DYRK3: variants seen among roughly 807,000 people sequenced by gnomAD.
The protein encoded by DYRK3 is dual specificity tyrosine phosphorylation regulated kinase 3.
DYRK3 carries 30 observed loss-of-function variants against 40.8 expected under a neutral mutation model. The ratio of observed to expected loss-of-function variants is 0.74; its 90% CI spans 0.55 to 1.00. DYRK3 has a LOEUF of 1.00. DYRK3 is among the 50% of genes least tolerant of loss of function. The pLI, the probability that DYRK3 is intolerant of heterozygous loss-of-function variation, is 0.00. For missense variants in DYRK3, 699 were observed against 731.5 expected (o/e 0.96, Z 0.51); for synonymous variants, 272 against 260.7 (o/e 1.04, Z -0.42).
In DYRK3 at chr1:206,654,949, AG is replaced by A. The variant is rs1218157209; in HGVS notation, c.*5986del. On this transcript the variant is annotated 3_prime_UTR_variant, in exon 3 of 3. Coordinates refer to ENST00000367109, the MANE Select transcript of DYRK3 (RefSeq NM_003582.4). Reference sequence around the variant, plus strand: ...TAAAAAGAAAGGAGAGTCCCACATCAGGCCAAGTGGTGACCTGTGGCTATTT... The same window carrying A: ...TAAAAAGAAAGGAGAGTCCCACATCAGCCAAGTGGTGACCTGTGGCTATTT... 1.3e-5 allele frequency among the ~76,000 whole-genome samples: 2 copies of A among 152,204 alleles called. No homozygotes were observed. Among genetic ancestry groups the A allele is most frequent in the Non-Finnish European group, 2.9e-5 (2 of 68,028 alleles).
intron 2 of DYRK3, among the ~76,000 whole-genome samples, chr1:206,645,616 C>T (rs532726403): frequency 1.9e-4 from 29 of 151,812 alleles, no homozygotes; most frequent in African/African-American, 1.4e-4. Flanking sequence ...CAGGTTCAAG[C>T]GATTCTCCTG....
In DYRK3 at chr1:206,649,948, C is replaced by G. The variant is rs955237983; in HGVS notation, c.*983C>G. 6.6e-6 allele frequency among the ~76,000 whole-genome samples: 1 copy of G among 152,200 alleles called. No individual in the cohort carries two copies. Among genetic ancestry groups the G allele is most frequent in the African/African-American group, 2.4e-5 (1 of 41,454 alleles). The stretch of plus-strand genomic sequence containing the variant: ...TGTGCCACATTTTTCCCCCCACTTT[C>G]ACGTTAAGCTTAATGCTATTCCCTA... On this transcript the variant is annotated 3_prime_UTR_variant, in exon 3 of 3. Transcript: ENST00000367109.
rs1671632162 is a variant in DYRK3 at position 206,651,511 on chromosome 1, T to A, written c.*2546T>A. 6.6e-6 allele frequency among the ~76,000 whole-genome samples: 1 copy of A among 152,204 alleles called. No homozygotes were observed. Among genetic ancestry groups the A allele is most frequent in the African/African-American group, 2.4e-5 (1 of 41,460 alleles). On this transcript the variant is annotated 3_prime_UTR_variant, in exon 3 of 3. Coordinates refer to ENST00000367109, the MANE Select transcript of DYRK3 (RefSeq NM_003582.4). ...ATCCTTCTTCAGTGAATCTTTTCAT[T>A]GTAACTTAGGGTGTAAAAGCTCATA... is the stretch of plus-strand genomic sequence containing the variant.
chr1:206,636,156 G>A (rs1671101350), intron 1 of DYRK3: 2 of 1,017,958 alleles, frequency 2.0e-6, no homozygotes, highest in African/African-American at 3.2e-5. Flanking sequence ...CTGTTGCTTA[G>A]AGCGGATAAC....
Position 206,648,674 on chromosome 1 carries a change from C to G in DYRK3, c.1476C>G (p.Asp492Glu). Residue 492 changes from aspartate (D) to glutamate (E), a missense_variant, in exon 3 of 3, where the codon GAC (aspartate) becomes GAG (glutamate). Coordinates refer to ENST00000367109, the MANE Select transcript of DYRK3 (RefSeq NM_003582.4). ...GGACAGCACTGAAAGGGTGTGATGA[C>G]TACTTGTTTATAGAGTTCTTGAAAA... is the stretch of plus-strand genomic sequence containing the variant. ...DWGTALKGCD[D>E]YLFIEFLKRC... 1 of 1,613,984 alleles carries G rather than the reference C, an allele frequency of 6.2e-7. No individual in the cohort carries two copies. The highest frequency in any genetic ancestry group is 8.5e-7 in the Non-Finnish European group (1 of 1,179,952).
At position 206,648,474 on chromosome 1, in the gene DYRK3, G is replaced by A. The variant is rs782595058; in HGVS notation, c.1276G>A (p.Gly426Arg). 6.2e-7 allele frequency: 1 copy of A among 1,614,152 alleles called. No individual in the cohort carries two copies. Among genetic ancestry groups the A allele is most frequent in the Non-Finnish European group, 8.5e-7 (1 of 1,180,028 alleles). The change falls in exon 3 of 3, where the codon GGG becomes AGG. Residue 426 changes from glycine (G) to arginine (R), a missense_variant. Gly to Arg is a moderately radical substitution (Grantham distance 125). Coordinates refer to ENST00000367109, the MANE Select transcript of DYRK3 (RefSeq NM_003582.4). The stretch of plus-strand genomic sequence containing the variant: ...GTTGGCCTGCATGATGGAGCTTCTA[G>A]GGATGCCACCACCAAAACTTCTGGA... The part of the protein sequence containing the change: ...DQLACMMELL[G>R]MPPPKLLEQS...
chr1:206,640,742 G>A (rs1671265931), intron 2 of DYRK3, among the ~76,000 whole-genome samples: 1 of 152,146 alleles, frequency 6.6e-6, no homozygotes, highest in Non-Finnish European at 1.5e-5. Context: ...AGTAGAGAGA[G>A]GGTTTCATCG....
At chr1:206,636,420 A>G (rs1671112817) in intron 1 of DYRK3, among the ~76,000 whole-genome samples, 1 of 152,080 alleles carries the variant, frequency 6.6e-6, no homozygotes. Flanking sequence ...ATATATGTGG[A>G]CGCCTATCCT....
Position 206,648,839 on chromosome 1 carries a change from T to C in DYRK3, c.1641T>C (p.Ala547=), listed in dbSNP as rs1553420889. Residue 547 remains alanine, a synonymous_variant, in exon 3 of 3, where the codon GCT becomes GCC. Transcript: ENST00000367109. ...SGKRVVNPAS[A]FQGLGSKLPP... is the part of the protein sequence containing the mutation. ...AACGGGTAGTTAATCCTGCAAGTGC[T>C]TTCCAGGGATTGGGTTCTAAGCTGC... 2 of 1,614,190 alleles carry C rather than the reference T, an allele frequency of 1.2e-6. No homozygotes were observed. Among genetic ancestry groups the C allele is most frequent in the Non-Finnish European group, 1.7e-6 (2 of 1,180,028 alleles).
intron 2 of DYRK3, among the ~76,000 whole-genome samples, chr1:206,639,763 T>G (rs995194489): frequency 1.3e-5 from 2 of 151,958 alleles, no homozygotes; most frequent in Non-Finnish European, 2.9e-5. Context: ...CCCAGCCAAG[T>G]CATTTTTACT....
At position 206,648,358 on chromosome 1, in the gene DYRK3, G is replaced by A. The variant is rs1671528208; in HGVS notation, c.1160G>A (p.Ser387Asn). The A allele has an allele frequency of 6.2e-7, 1 of 1,614,042 alleles. No homozygotes were observed. Among genetic ancestry groups the A allele is most frequent in the Non-Finnish European group, 8.5e-7 (1 of 1,180,036 alleles). The change falls in exon 3 of 3, where the codon AGC (serine) becomes AAC (asparagine). Residue 387 changes from serine (S) to asparagine (N), a missense_variant. By Grantham distance (46) the Ser-to-Asn change is conservative (BLOSUM62 1). Coordinates refer to ENST00000367109, the MANE Select transcript of DYRK3 (RefSeq NM_003582.4). ...GAAATCATCTTAGGAAGCCGCTACA[G>A]CACACCAATTGACATATGGAGTTTT... The part of the protein sequence containing the change: ...APEIILGSRY[S>N]TPIDIWSFGC...
At chr1:206,646,571 C>T (rs1671461346) in intron 2 of DYRK3, among the ~76,000 whole-genome samples, 1 of 152,160 alleles carries the variant, frequency 6.6e-6, no homozygotes, top group South Asian at 2.1e-4. Context: ...CTCAAAAGTT[C>T]TCTTTAACTT....
In DYRK3 at chr1:206,651,444, T is replaced by A. The variant is rs936662529; in HGVS notation, c.*2479T>A. ...CTTCTTTCAACTACCAAGAAATGGA[T>A]GATTTCTCTGCCAACTCCAGGAAGT... On this transcript the variant is annotated 3_prime_UTR_variant, in exon 3 of 3. Coordinates refer to ENST00000367109, the MANE Select transcript of DYRK3 (RefSeq NM_003582.4). Among the ~76,000 whole-genome samples the A allele has an allele frequency of 1.3e-5, 2 of 152,262 alleles. No individual in the cohort carries two copies. The highest frequency in any genetic ancestry group is 6.5e-5 in the Admixed American group (1 of 15,284).
chr1:206,648,690 T>C lies in DYRK3; in HGVS notation c.1492T>C (p.Phe498Leu). ...KGCDDYLFIEFLKRCLHWDPS... is the reference protein window; with the variant it reads ...KGCDDYLFIELLKRCLHWDPS... ...GTGTGATGACTACTTGTTTATAGAG[T>C]TCTTGAAAAGGTGTCTTCACTGGGA... The change falls in exon 3 of 3, where the codon TTC becomes CTC. Residue 498 changes from phenylalanine to leucine, a missense_variant. Transcript: ENST00000367109. The C allele has an allele frequency of 3.1e-6, 5 of 1,613,674 alleles. No homozygotes were observed. Among genetic ancestry groups the C allele is most frequent in the Non-Finnish European group, 4.2e-6 (5 of 1,179,868 alleles).
In DYRK3 at chr1:206,649,548, G is replaced by A. The variant is rs1671576111; in HGVS notation, c.*583G>A. Among the ~76,000 whole-genome samples the A allele has an allele frequency of 6.6e-6, 1 of 152,160 alleles. No individual in the cohort carries two copies. Among genetic ancestry groups the A allele is most frequent in the African/African-American group, 2.4e-5 (1 of 41,438 alleles). On this transcript the variant is annotated 3_prime_UTR_variant, in exon 3 of 3. Transcript: ENST00000367109. ...TCCCTTCAGTTCTCTGATGTTTGGT[G>A]TTATTATTTTATGTTGTTATTTTGC...
Position 206,654,171 on chromosome 1 carries a change from C to G in DYRK3, c.*5206C>G, listed in dbSNP as rs1316957224. ...CTTTCTCCTTTATTTTTAATTATTT[C>G]TTTTCCATCTGTTATTGATGTCATC... On this transcript the variant is annotated 3_prime_UTR_variant, in exon 3 of 3. Transcript: ENST00000367109. Among the ~76,000 whole-genome samples the G allele has an allele frequency of 2.6e-5, 4 of 152,188 alleles. No homozygotes were observed. Among genetic ancestry groups the G allele is most frequent in the African/African-American group, 9.6e-5 (4 of 41,458 alleles).
intron 1 of DYRK3, among the ~76,000 whole-genome samples, chr1:206,637,407 C>T (rs956766093): frequency 1.5e-4 from 23 of 152,220 alleles, no homozygotes; most frequent in African/African-American, 5.5e-4. Flanking sequence ...TGTTTAACAA[C>T]ATTCAGAAGG....
rs1029641331 is a variant in DYRK3 at position 206,635,664 on chromosome 1, C to T, written c.-40C>T. 1.6e-6 allele frequency: 2 copies of T among 1,245,172 alleles called. No individual in the cohort carries two copies. The highest frequency in any genetic ancestry group is 2.0e-6 in the Non-Finnish European group (2 of 989,518). The allele number at this position is 1,245,172 out of a possible 1,614,324, so 77.1% of individuals were successfully genotyped here. ...TAGGTGGCGTGGCCGACCGGACCCCCAACTGGCGCCTCTCCCCGCGCGGGG... is the reference window on the plus strand; with the variant it reads ...TAGGTGGCGTGGCCGACCGGACCCCTAACTGGCGCCTCTCCCCGCGCGGGG... On this transcript the variant is annotated 5_prime_UTR_variant, in exon 1 of 3. Coordinates refer to ENST00000367109, the MANE Select transcript of DYRK3 (RefSeq NM_003582.4).
intron 2 of DYRK3, among the ~76,000 whole-genome samples, chr1:206,640,698 C>T (rs547175130): frequency 5.6e-4 from 85 of 152,022 alleles, no homozygotes; most frequent in Non-Finnish European, 1.1e-3. Flanking sequence ...CTACAGGCAC[C>T]CACCACCACA....
Sources: allele counts gnomAD v4.1 joint callset (sites outside exome capture counted in the v4.1 genomes callset), GRCh38; gene constraint gnomAD v4.1.1; transcripts MANE v1.5; gene names NCBI Gene and HGNC (gene_info 2026-07-23, HGNC 2026-07-21).